OSBPL1A: variants seen among roughly 807,000 people sequenced by gnomAD.
OSBPL1A encodes oxysterol-binding protein-related protein 1.
Under a neutral mutation model 137.1 loss-of-function variants are expected in OSBPL1A, and 80 were observed. That is an observed-to-expected ratio of 0.58 (90% CI 0.49 to 0.70). OSBPL1A has a LOEUF of 0.70. Among genes scored for constraint, OSBPL1A ranks in the 30% least tolerant of loss-of-function variants. The pLI, the probability that OSBPL1A is intolerant of heterozygous loss-of-function variation, is 0.00. For missense variants in OSBPL1A, 970 were observed against 1,129.4 expected (o/e 0.86, Z 2.02); for synonymous variants, 365 against 389.7 (o/e 0.94, Z 0.75).
At chr18:24,260,903 T>C (rs1403955422) in intron 15 of OSBPL1A, among the ~76,000 whole-genome samples, 1 of 150,598 alleles carries the variant, frequency 6.6e-6, no homozygotes, top group Admixed American at 6.6e-5. Flanking sequence ...TTCTACTAGA[T>C]ATTTCCATAA....
intron 14 of OSBPL1A, among the ~76,000 whole-genome samples, chr18:24,289,993 GA>G (rs773071381): frequency 2.8e-4 from 42 of 151,998 alleles, no homozygotes; most frequent in Non-Finnish European, 4.1e-4. Flanking sequence ...TTGTAAAGTT[GA>G]AAAATCATAA....
rs1016392717 is a variant in OSBPL1A, at chr18:24,387,642, T to G, written c.-3+10013A>C. On this transcript the variant is annotated intron_variant, in intron 1 of 27. Transcript: ENST00000319481. ...GTTGCCCTGGCTGATCTCAAACTCC[T>G]GGGCTTAAGTGATTCTCTATCTTGG... is the stretch of plus-strand genomic sequence containing the variant. 3.3e-5 allele frequency among the ~76,000 whole-genome samples: 5 copies of G among 152,106 alleles called. No individual in the cohort carries two copies. In the South Asian group the frequency reaches 1.0e-3, roughly 32 times the overall value.
At chr18:24,374,128 A>T (rs541349430) in intron 2 of OSBPL1A, among the ~76,000 whole-genome samples, 1 of 152,212 alleles carries the variant, frequency 6.6e-6, no homozygotes, top group Non-Finnish European at 1.5e-5. Context: ...AATGGGGGGA[A>T]ATTTTATACA....
intron 2 of OSBPL1A, among the ~76,000 whole-genome samples, chr18:24,375,945 G>A (rs895995357): frequency 6.6e-6 from 1 of 152,180 alleles, no homozygotes; most frequent in Non-Finnish European, 1.5e-5. Context: ...CGCGTCTGGA[G>A]TTGTTTGTTC....
At chr18:24,315,798 AGTATATATTATATAATAAAAT>A (rs2090718400) in intron 11 of OSBPL1A, among the ~76,000 whole-genome samples, 6 of 74,992 alleles carry the variant, frequency 8.0e-5, no homozygotes, top group African/African-American at 2.7e-4. Flanking sequence ...TATAATATAT[AGTATATATTATATAATAAAAT>A]ATATAATATA....
At chr18:24,253,077 A>G (rs191117044) in intron 15 of OSBPL1A, among the ~76,000 whole-genome samples, 13 of 150,246 alleles carry the variant, frequency 8.7e-5, no homozygotes, top group Non-Finnish European at 1.5e-4. Flanking sequence ...CAAAACAATT[A>G]GAAAACAAGT....
chr18:24,256,868 C>T (rs2089289377), intron 15 of OSBPL1A, among the ~76,000 whole-genome samples: 1 of 135,766 alleles, frequency 7.4e-6, no homozygotes, highest in African/African-American at 2.7e-5. Context: ...AATAGCCACA[C>T]ATAAAATTAA....
chr18:24,274,499 C>G (rs539280966), intron 15 of OSBPL1A, among the ~76,000 whole-genome samples: 1 of 152,166 alleles, frequency 6.6e-6, no homozygotes, highest in East Asian at 1.9e-4. Flanking sequence ...TCAGGGAATT[C>G]TAGTTAAAAG....
intron 2 of OSBPL1A, 105 bp downstream of exon 2, chr18:24,377,304 TGAGA>T (rs1906255021): frequency 7.6e-7 from 1 of 1,321,864 alleles, no homozygotes; most frequent in Non-Finnish European, 1.0e-6. Context: ...CTTCCTAGCA[TGAGA>T]GATAGAGATT....
At chr18:24,182,462 G>A (rs77079556) in intron 18 of OSBPL1A, among the ~76,000 whole-genome samples, 1,764 of 152,234 alleles carry the variant, frequency 0.012, 14 homozygotes, top group Non-Finnish European at 0.019. Flanking sequence ...TTGCGTGGGC[G>A]GGTGAACAGT....
chr18:24,166,779 G>T (rs987553492), intron 25 of OSBPL1A, 77 bp from the exon 26 acceptor site: 46 of 1,442,688 alleles, frequency 3.2e-5, no homozygotes, highest in Non-Finnish European at 4.2e-5. Flanking sequence ...AGTAGAAGAG[G>T]GTTGACTTGA....
At chr18:24,225,234 C>G (rs1159749697) in intron 16 of OSBPL1A, 36 bp from the exon 17 acceptor site, 7 of 1,611,074 alleles carry the variant, frequency 4.3e-6, no homozygotes, top group Non-Finnish European at 5.1e-6. Context: ...ATGAATTGAA[C>G]TTGGGTGTGA....
At chr18:24,330,008 C>T (rs1011632526) in intron 7 of OSBPL1A, among the ~76,000 whole-genome samples, 1 of 152,128 alleles carries the variant, frequency 6.6e-6, no homozygotes, top group Non-Finnish European at 1.5e-5. Context: ...GGATCCACGA[C>T]GGTACTTAAA....
intron 15 of OSBPL1A, among the ~76,000 whole-genome samples, chr18:24,259,775 A>G (rs919768590): frequency 2.0e-5 from 3 of 152,228 alleles, no homozygotes; most frequent in Admixed American, 1.3e-4. Context: ...GCTTTTGGAT[A>G]AAAAGTAATT....
At chr18:24,196,225 A>T (rs372395412) in intron 17 of OSBPL1A, 25 bp from the exon 18 acceptor site, 1 of 1,527,348 alleles carries the variant, frequency 6.5e-7, no homozygotes, top group African/African-American at 1.4e-5. Context: ...GAAAAACATA[A>T]AGTTCATTCT....
chr18:24,259,514 G>A lies in OSBPL1A; in HGVS notation c.1282-20132C>T, dbSNP rs569244548. ...GCAAAGGATAGTAGAACTAATTAAA[G>A]GGAAGGGTATACCCCTTTTTCTGCC... On this transcript the variant is annotated intron_variant, in intron 15 of 27. Transcript: ENST00000319481. Among the ~76,000 whole-genome samples, 207 of 152,214 alleles carry A rather than the reference G, an allele frequency of 1.4e-3. No individual in the cohort carries two copies. In the Middle Eastern group the frequency reaches 0.02, roughly 15 times the overall value.
chr18:24,296,680 C>G (rs1307763741), intron 14 of OSBPL1A, among the ~76,000 whole-genome samples: 1 of 152,104 alleles, frequency 6.6e-6, no homozygotes, highest in East Asian at 1.9e-4. Context: ...TAAGTCCCTT[C>G]TATGCCTAGT....
chr18:24,382,562 G>A (rs941196866), intron 1 of OSBPL1A, among the ~76,000 whole-genome samples: 3 of 151,986 alleles, frequency 2.0e-5, no homozygotes, highest in East Asian at 3.9e-4. Flanking sequence ...GTGTAACAGA[G>A]ACTCCGTCTC....
chr18:24,330,106 TTTA>T (rs1487679440), intron 7 of OSBPL1A, among the ~76,000 whole-genome samples: 5 of 152,156 alleles, frequency 3.3e-5, no homozygotes, highest in African/African-American at 1.2e-4. Flanking sequence ...GAATTTTTGT[TTTA>T]TTATTAAGAA....
Sources: gnomAD v4.1 joint callset for allele counts (sites outside exome capture counted in the v4.1 genomes callset) on GRCh38, gnomAD v4.1.1 for gene constraint, MANE v1.5 for transcripts, NCBI Gene and HGNC (gene_info 2026-07-23, HGNC 2026-07-21) for gene names.